Variants in SLC4A1 observed in about 807,000 individuals in gnomAD.
SLC4A1 encodes the protein band 3 anion transport protein.
SLC4A1 carries 29 observed loss-of-function variants against 93.1 expected under a neutral mutation model. That is an observed-to-expected ratio of 0.31 (90% CI 0.23 to 0.42). SLC4A1 has a LOEUF of 0.42. Ranked by LOEUF, SLC4A1 falls within the 20% of genes least tolerant of loss-of-function variation. SLC4A1 has a pLI of 1.00. For missense variants in SLC4A1, 965 were observed against 1,190.1 expected (o/e 0.81, Z 2.78); for synonymous variants, 469 against 497.2 (o/e 0.94, Z 0.76).
intron 1 of SLC4A1, among the ~76,000 whole-genome samples, chr17:44,265,029 T>C (rs1598304723): frequency 1.9e-5 from 1 of 52,404 alleles, no homozygotes; most frequent in African/African-American, 7.6e-5. Context: ...TGCTGAGCAC[T>C]GGGGGCTGTG....
intron 6 of SLC4A1, among the ~76,000 whole-genome samples, 163 bp downstream of exon 6, chr17:44,260,241 C>T (rs925895154): frequency 6.6e-6 from 1 of 152,210 alleles, no homozygotes; most frequent in East Asian, 1.9e-4. Context: ...TAGGACATGG[C>T]CACCCCTTTC....
In SLC4A1 at chr17:44,251,096, G is replaced by C. The variant is rs2047334287; in HGVS notation, c.2655+63C>G. ...CCATGACTCTGTCCTGCCTGCCCTA[G>C]TTCTGAGACGCGCCCCTCGCATGCT... On this transcript the variant is annotated intron_variant, in intron 19 of 19. Coordinates refer to ENST00000262418, the MANE Select transcript of SLC4A1 (RefSeq NM_000342.4). The C allele has an allele frequency of 1.5e-5, 23 of 1,526,770 alleles. No individual in the cohort carries two copies. In the South Asian group the frequency reaches 2.8e-4, roughly 18 times the overall value. 94.6% of individuals were successfully genotyped at this position (1,526,770 alleles called of 1,614,324 possible).
chr17:44,256,135 T>C (rs2047387155), intron 13 of SLC4A1, among the ~76,000 whole-genome samples: 1 of 152,162 alleles, frequency 6.6e-6, no homozygotes, highest in African/African-American at 2.4e-5. Flanking sequence ...CACTCATTCA[T>C]CAATCATCCA....
intron 18 of SLC4A1, 42 bp downstream of exon 18, chr17:44,251,377 C>T: frequency 3.1e-6 from 5 of 1,614,224 alleles, no homozygotes; most frequent in Non-Finnish European, 4.2e-6. Flanking sequence ...CCCCAGCACC[C>T]TCTACCACCC....
chr17:44,261,421 C>T (rs1346185123), intron 4 of SLC4A1, among the ~76,000 whole-genome samples, 154 bp downstream of exon 4: 1 of 152,210 alleles, frequency 6.6e-6, no homozygotes, highest in African/African-American at 2.4e-5. Flanking sequence ...TGGGGCGTCC[C>T]TCCCACCTGT....
At chr17:44,262,467 A>G (rs1001900148) in intron 3 of SLC4A1, among the ~76,000 whole-genome samples, 169 bp downstream of exon 3, 3 of 152,190 alleles carry the variant, frequency 2.0e-5, no homozygotes, top group African/African-American at 7.2e-5. Flanking sequence ...ACCTCCTGTG[A>G]TCATTTCAAA....
chr17:44,263,707 CTCCTTCCT>C (rs111483250), intron 1 of SLC4A1, among the ~76,000 whole-genome samples: 3,201 of 140,328 alleles, frequency 0.023, 132 homozygotes, highest in African/African-American at 0.075. Flanking sequence ...CCTCCCTTCC[CTCCTTCCT>C]TCCTTCCTTC....
Position 44,258,154 on chromosome 17 carries a change from G to A in SLC4A1, c.1114C>T (p.Leu372=), listed in dbSNP as rs774106303. The A allele has an allele frequency of 1.9e-6, 3 of 1,614,070 alleles. No individual in the cohort carries two copies. The South Asian group carries it at 3.3e-5, about 18-fold the overall frequency. The change falls in exon 11 of 20, where the codon CTG becomes TTG. Residue 372 remains leucine, a synonymous_variant. Coordinates refer to ENST00000262418, the MANE Select transcript of SLC4A1 (RefSeq NM_000342.4). This position sits in a 1 kb window ranked among gnomAD's most constrained non-coding sequence, Gnocchi z 6.1. The part of the protein sequence containing the change: ...LDLNGGPDDP[L]QQTGQLFGGL... ...CCGAAGAGCTGGCCTGTCTGCTGCA[G>A]AGGGTCATCTGGGCCCCCATTTAAG...
In SLC4A1 at chr17:44,251,593, G is replaced by T. The variant is rs767243337; in HGVS notation, c.2312-5C>A. ...GCTCCATGAGGATGGACAGGCCTGTGGGGGAGCCGCACACTCTCAGCCCAG... is the reference window on the plus strand; with the variant it reads ...GCTCCATGAGGATGGACAGGCCTGTTGGGGAGCCGCACACTCTCAGCCCAG... On this transcript the variant is annotated splice_polypyrimidine_tract_variant and splice_region_variant and intron_variant, in intron 17 of 19. Transcript: ENST00000262418. 13 of 1,613,666 alleles carry T rather than the reference G, an allele frequency of 8.1e-6. No homozygotes were observed. Among genetic ancestry groups the T allele is most frequent in the South Asian group, 2.2e-5 (2 of 91,072 alleles).
chr17:44,256,500 T>C (rs540026556), intron 13 of SLC4A1, among the ~76,000 whole-genome samples: 3 of 152,270 alleles, frequency 2.0e-5, no homozygotes, highest in East Asian at 3.9e-4. Flanking sequence ...TTCTCCCATA[T>C]AAAATGCAGG....
intron 1 of SLC4A1, among the ~76,000 whole-genome samples, chr17:44,267,013 AG>A (rs1184363459): frequency 6.6e-6 from 1 of 152,176 alleles, no homozygotes; most frequent in African/African-American, 2.4e-5. Flanking sequence ...GGGGATTCTA[AG>A]AGGAAGAAGA....
chr17:44,259,244 G>A lies in SLC4A1; in HGVS notation c.795C>T (p.Leu265=), dbSNP rs536167802. 5.6e-5 allele frequency: 90 copies of A among 1,614,080 alleles called. 1 individual carries two copies. The South Asian group carries it at 9.3e-4, about 17-fold the overall frequency. Residue 265 remains leucine (L), a synonymous_variant, in exon 9 of 20, where the codon CTC becomes CTT. Transcript: ENST00000262418. ...AVELPVPIRF[L]FVLLGPEAPH... is the part of the protein sequence containing the mutation. ...GGGCCTCAGGTCCCAGCAACACAAA[G>A]AGGAAGCGTATAGGCACCGGCAGCT...
At chr17:44,250,869 C>T (rs530683842) in intron 19 of SLC4A1, among the ~76,000 whole-genome samples, 53 of 152,242 alleles carry the variant, frequency 3.5e-4, no homozygotes, top group South Asian at 2.1e-3. Flanking sequence ...ACTCGGAAGA[C>T]GGCAGGACTT....
intron 3 of SLC4A1, chr17:44,262,166 C>CT (rs2144624038): frequency 1.5e-6 from 1 of 665,044 alleles, no homozygotes; most frequent in East Asian, 8.4e-5. Flanking sequence ...ATCTCCAGCA[C>CT]TTAAGTCCTG....
chr17:44,260,185 T>C (rs1333011599), intron 6 of SLC4A1, among the ~76,000 whole-genome samples: 2 of 152,164 alleles, frequency 1.3e-5, no homozygotes, highest in Non-Finnish European at 2.9e-5. Flanking sequence ...GAAAAGGGCC[T>C]TGCAGGTCTG....
Position 44,249,260 on chromosome 17 carries a change from T to A in SLC4A1, c.*1198A>T, listed in dbSNP as rs886052992. On this transcript the variant is annotated 3_prime_UTR_variant, in exon 20 of 20. Coordinates refer to ENST00000262418, the MANE Select transcript of SLC4A1 (RefSeq NM_000342.4). ...TTTATCTTTTTGTTTTATAAAAAAA[T>A]AAATTTGCCCATGTTCTTGGAGAGC... 48 of 445,988 alleles carry A rather than the reference T, an allele frequency of 1.1e-4. No homozygotes were observed. In the East Asian group the frequency reaches 1.2e-3, roughly 11 times the overall value. The allele number at this position is 445,988 out of a possible 1,614,324, so 27.6% of individuals were successfully genotyped here. A position where few individuals can be genotyped will look rare whatever the true frequency, so the allele number is the denominator to read the frequency against.
At chr17:44,256,993 C>CTT (rs1279174931) in intron 13 of SLC4A1, among the ~76,000 whole-genome samples, 5 of 142,382 alleles carry the variant, frequency 3.5e-5, no homozygotes, top group Admixed American at 7.0e-5. Flanking sequence ...ATGGCTCAGT[C>CTT]TTTTTTTTTT....
At chr17:44,262,328 T>G (rs1158907072) in intron 3 of SLC4A1, among the ~76,000 whole-genome samples, 30 of 152,216 alleles carry the variant, frequency 2.0e-4, no homozygotes, top group Admixed American at 1.8e-3. Context: ...AAGCCCATTT[T>G]CTGGCCTGGA....
At chr17:44,267,202 G>A (rs935770396) in intron 1 of SLC4A1, among the ~76,000 whole-genome samples, 3 of 152,200 alleles carry the variant, frequency 2.0e-5, no homozygotes, top group Non-Finnish European at 2.9e-5. Context: ...AGCTGGTTTA[G>A]AGTTAGTTGT....
Sources: gnomAD v4.1 joint callset for allele counts (sites outside exome capture counted in the v4.1 genomes callset) on GRCh38, gnomAD v4.1.1 for gene constraint, Gnocchi (gnomAD v3.1) non-coding constraint, MANE v1.5 for transcripts, NCBI Gene and HGNC (gene_info 2026-07-23, HGNC 2026-07-21) for gene names.